The following PRKN variants were observed in gnomAD, a reference collection of about 807,000 sequenced individuals.
PRKN encodes E3 ubiquitin-protein ligase parkin.
A neutral mutation model predicts 59.5 loss-of-function variants in PRKN; 56 were observed. The observed-to-expected ratio is 0.94, with a 90% CI of 0.76 to 1.18. PRKN has a LOEUF of 1.18. Among genes scored for constraint, PRKN ranks in the 50% most tolerant of loss-of-function variants. The probability of loss-of-function intolerance (pLI) is 0.00; values close to 1 mark genes in which losing one functional copy is unlikely to be tolerated. For synonymous variants in PRKN, 250 were observed against 222.1 expected (o/e 1.13, Z -1.12); for missense variants, 657 against 596.4 (o/e 1.10, Z -1.06).
At chr6:162,365,384 A>G (rs1704469826) in intron 2 of PRKN, among the ~76,000 whole-genome samples, 1 of 152,150 alleles carries the variant, frequency 6.6e-6, no homozygotes, top group African/African-American at 2.4e-5. Context: ...TCAGTAATGT[A>G]TTTAACCATT....
chr6:162,114,676 T>C (rs1189628483), intron 4 of PRKN, among the ~76,000 whole-genome samples: 1 of 148,602 alleles, frequency 6.7e-6, no homozygotes. Context: ...TATCAAAAAG[T>C]GGGCGAAGGA....
At chr6:162,175,627 C>T (rs1054086622) in intron 4 of PRKN, among the ~76,000 whole-genome samples, 6 of 152,130 alleles carry the variant, frequency 3.9e-5, no homozygotes, top group Non-Finnish European at 8.8e-5. Context: ...TAACATATGA[C>T]CTACAGAGCT....
intron 7 of PRKN, among the ~76,000 whole-genome samples, chr6:161,722,619 G>A (rs1025119175): frequency 2.0e-5 from 3 of 152,104 alleles, no homozygotes; most frequent in African/African-American, 4.8e-5. Flanking sequence ...TCTGCCCCAC[G>A]AAGTTGATCC....
intron 3 of PRKN, among the ~76,000 whole-genome samples, chr6:162,210,633 A>G (rs1364809073): frequency 6.6e-6 from 1 of 152,228 alleles, no homozygotes; most frequent in Non-Finnish European, 1.5e-5. Context: ...TAATAATATT[A>G]TGGAACACAA....
Position 161,451,136 on chromosome 6 carries a change from C to T in PRKN, c.1084-64259G>A, listed in dbSNP as rs1789723917. ...GGGCTAACTTCTGCATGACGTGTTT[C>T]CATGTTATTTCTCTTAGGTCCCAGC... On this transcript the variant is annotated intron_variant, in intron 9 of 11. Coordinates refer to ENST00000366898, the MANE Select transcript of PRKN (RefSeq NM_004562.3). The surrounding 1 kb of genome is among the most constrained non-coding windows in gnomAD (Gnocchi z 5.9). Among the ~76,000 whole-genome samples the T allele has an allele frequency of 6.6e-6, 1 of 152,070 alleles. No homozygotes were observed. The highest frequency in any genetic ancestry group is 1.5e-5 in the Non-Finnish European group (1 of 68,024).
rs192755957 is a variant in PRKN at position 162,224,653 on chromosome 6, G to A, written c.413-23401C>T. Among the ~76,000 whole-genome samples, 40 of 152,304 alleles carry A rather than the reference G, an allele frequency of 2.6e-4. No individual in the cohort carries two copies. In the East Asian group the frequency reaches 6.0e-3, roughly 23 times the overall value. On this transcript the variant is annotated intron_variant, in intron 3 of 11. Transcript: ENST00000366898. ...AAAGGGAATTAACAGAGAGGCTGCA[G>A]GCCTTCTGGAAGGAATCTATCTTGA...
chr6:162,598,552 T>C (rs1236611269), intron 1 of PRKN, among the ~76,000 whole-genome samples: 1 of 151,984 alleles, frequency 6.6e-6, no homozygotes, highest in African/African-American at 2.4e-5. Context: ...GTTCATGAAA[T>C]AGAAAGAAGT....
At chr6:161,782,996 C>T (rs1304555274) in intron 7 of PRKN, among the ~76,000 whole-genome samples, 2 of 152,066 alleles carry the variant, frequency 1.3e-5, no homozygotes, top group Non-Finnish European at 2.9e-5. Context: ...GTTTATATCC[C>T]TATAAGGATA....
chr6:162,060,008 T>C (rs2128287271), intron 4 of PRKN, among the ~76,000 whole-genome samples: 2 of 152,354 alleles, frequency 1.3e-5, no homozygotes, highest in South Asian at 2.1e-4. Context: ...TGGTTGCTTG[T>C]ATGCTACAAT....
At chr6:162,219,519 C>T (rs1472580743) in intron 3 of PRKN, among the ~76,000 whole-genome samples, 1 of 150,836 alleles carries the variant, frequency 6.6e-6, no homozygotes, top group Non-Finnish European at 1.5e-5. Context: ...TCAGAATGAA[C>T]AGTAAAAGGC....
intron 6 of PRKN, among the ~76,000 whole-genome samples, chr6:161,894,037 T>C (rs9365340): frequency 0.29 from 44,853 of 152,098 alleles, 6,791 homozygotes; most frequent in East Asian, 0.43. Context: ...CTAAGTTCTA[T>C]GTGCTATAAA....
At chr6:162,397,993 C>T (rs769759100) in intron 2 of PRKN, among the ~76,000 whole-genome samples, 2 of 146,998 alleles carry the variant, frequency 1.4e-5, no homozygotes, top group Non-Finnish European at 3.0e-5. Flanking sequence ...GCTGGGATCT[C>T]ACCACTGCAC....
chr6:162,201,139 A>T lies in PRKN; in HGVS notation c.526T>A (p.Leu176Met), dbSNP rs1784712489. The change falls in exon 4 of 12, where the codon TTG (leucine) becomes ATG (methionine). Residue 176 changes from leucine to methionine, a missense_variant. Coordinates refer to ENST00000366898, the MANE Select transcript of PRKN (RefSeq NM_004562.3). ...CSTCRQATLT[L>M]TQGPSCWDDV... ...ACACTGCATTTCCTTACCTGGGTCAAGGTGAGCGTTGCCTGCCTGCAGGTG... is the reference window on the plus strand; with the variant it reads ...ACACTGCATTTCCTTACCTGGGTCATGGTGAGCGTTGCCTGCCTGCAGGTG... The T allele has an allele frequency of 6.2e-7, 1 of 1,614,022 alleles. No individual in the cohort carries two copies. The highest frequency in any genetic ancestry group is 1.7e-5 in the Admixed American group (1 of 60,000).
At chr6:161,664,862 C>T (rs1784670845) in intron 7 of PRKN, among the ~76,000 whole-genome samples, 1 of 150,886 alleles carries the variant, frequency 6.6e-6, no homozygotes, top group Admixed American at 6.6e-5. Context: ...GATCTCAGCT[C>T]ACTACAAACT....
At position 161,548,591 on chromosome 6, in the gene PRKN, G is replaced by A. The variant is rs983644930; in HGVS notation, c.1083+263C>T. ...GAAAAGTTTAAAAGTCTGGCCTAGT[G>A]GCTCACAGCATCTTAAAGTAAATAC... On this transcript the variant is annotated intron_variant, in intron 9 of 11. Coordinates refer to ENST00000366898, the MANE Select transcript of PRKN (RefSeq NM_004562.3). The surrounding 1 kb of genome is among the most constrained non-coding windows in gnomAD (Gnocchi z 4.2). 1.3e-5 allele frequency among the ~76,000 whole-genome samples: 2 copies of A among 152,120 alleles called. No homozygotes were observed. Among genetic ancestry groups the A allele is most frequent in the African/African-American group, 4.8e-5 (2 of 41,408 alleles).
At position 161,410,402 on chromosome 6, in the gene PRKN, C is replaced by T. The variant is rs1480991205; in HGVS notation, c.1084-23525G>A. On this transcript the variant is annotated intron_variant, in intron 9 of 11. Transcript: ENST00000366898. This position sits in a 1 kb window ranked among gnomAD's most constrained non-coding sequence, Gnocchi z 5.3. ...CTGGCCTGGGGGAAGCACGTACAATCCCTGAGCTATGAACAGTGGCACCAG... is the reference window on the plus strand; with the variant it reads ...CTGGCCTGGGGGAAGCACGTACAATTCCTGAGCTATGAACAGTGGCACCAG... 1.3e-5 allele frequency among the ~76,000 whole-genome samples: 2 copies of T among 152,122 alleles called. No homozygotes were observed. Among genetic ancestry groups the T allele is most frequent in the African/African-American group, 2.4e-5 (1 of 41,408 alleles).
chr6:161,716,399 T>C (rs920349802), intron 7 of PRKN, among the ~76,000 whole-genome samples: 5 of 152,154 alleles, frequency 3.3e-5, no homozygotes, highest in Non-Finnish European at 5.9e-5. Context: ...TAGAAATCTG[T>C]TTTCCTTATG....
rs1012732952 is a variant in PRKN at position 161,458,352 on chromosome 6, C to T, written c.1084-71475G>A. On this transcript the variant is annotated intron_variant, in intron 9 of 11. Coordinates refer to ENST00000366898, the MANE Select transcript of PRKN (RefSeq NM_004562.3). The surrounding 1 kb of genome is among the most constrained non-coding windows in gnomAD (Gnocchi z 6.1). The stretch of plus-strand genomic sequence containing the variant: ...TGTGAAGCACTTTCATCCAGCATCT[C>T]GGGTGCCTGGTGTGATCGACCATAA... Among the ~76,000 whole-genome samples, 8 of 152,068 alleles carry T rather than the reference C, an allele frequency of 5.3e-5. No individual in the cohort carries two copies. The highest frequency in any genetic ancestry group is 2.6e-4 in the Admixed American group (4 of 15,262).
chr6:161,719,714 A>T (rs1162669740), intron 7 of PRKN, among the ~76,000 whole-genome samples: 1 of 151,952 alleles, frequency 6.6e-6, no homozygotes, highest in Non-Finnish European at 1.5e-5. Context: ...TGCTAATCCA[A>T]CTCCTGCGTT....
Sources: gnomAD v4.1 joint callset for allele counts (sites outside exome capture counted in the v4.1 genomes callset) on GRCh38, gnomAD v4.1.1 for gene constraint, Gnocchi (gnomAD v3.1) non-coding constraint, MANE v1.5 for transcripts, NCBI Gene and HGNC (gene_info 2026-07-23, HGNC 2026-07-21) for gene names.